The following ANO4 variants were observed in gnomAD, a reference collection of about 807,000 sequenced individuals.
The protein encoded by ANO4 is anoctamin-4.
A neutral mutation model predicts 141.9 loss-of-function variants in ANO4; 69 were observed. The ratio of observed to expected loss-of-function variants is 0.49; its 90% CI spans 0.40 to 0.59. ANO4 has a LOEUF of 0.59. Ranked by LOEUF, ANO4 falls within the 20% of genes least tolerant of loss-of-function variation. ANO4 has a pLI of 0.00. For missense variants in ANO4, 894 were observed against 1,162.2 expected, an observed-to-expected ratio of 0.77 and a Z score of 3.36; for synonymous variants, 350 against 394.3, an observed-to-expected ratio of 0.89 and a Z score of 1.33.
At chr12:100,993,732 T>A (rs977398473) in intron 8 of ANO4, among the ~76,000 whole-genome samples, 6 of 152,136 alleles carry the variant, frequency 3.9e-5, no homozygotes, top group African/African-American at 1.2e-4. Flanking sequence ...GGGCCAGGCC[T>A]AAGAGTGGTA....
At chr12:101,016,893 C>A (rs1464773554) in intron 8 of ANO4, among the ~76,000 whole-genome samples, 1 of 152,136 alleles carries the variant, frequency 6.6e-6, no homozygotes, top group Non-Finnish European at 1.5e-5. Flanking sequence ...AAACCAAGAC[C>A]CAGAAAAGTT....
rs921541160 is a variant in ANO4 at position 100,855,407 on chromosome 12, T to G, written c.-140-46239T>G. Among the ~76,000 whole-genome samples the G allele has an allele frequency of 5.9e-5, 9 of 152,316 alleles. 1 individual carries two copies. Among genetic ancestry groups the G allele is most frequent in the Admixed American group, 1.3e-4 (2 of 15,292 alleles). On this transcript the variant is annotated intron_variant, in intron 1 of 27. Transcript: ENST00000392977. ...ATGATCTATTTTTATTCTCTAGATA[T>G]CCTTCAAATCTTTATTCATAGGGTG...
At position 100,821,356 on chromosome 12, in the gene ANO4, G is replaced by A. The variant is rs898095771; in HGVS notation, c.-141+26329G>A. Among the ~76,000 whole-genome samples the A allele has an allele frequency of 8.5e-5, 13 of 152,102 alleles. No homozygotes were observed. The South Asian group carries it at 1.2e-3, about 15-fold the overall frequency. On this transcript the variant is annotated intron_variant, in intron 1 of 27. Coordinates refer to ENST00000392977, the MANE Select transcript of ANO4 (RefSeq NM_001286615.2). ...TCTTAGTGCTATTTGTTAGACAGAAGTTTTTAAACAGGTATGTCCAGAATA... is the reference window on the plus strand; with the variant it reads ...TCTTAGTGCTATTTGTTAGACAGAAATTTTTAAACAGGTATGTCCAGAATA...
At chr12:100,914,810 C>G (rs1370115852) in intron 2 of ANO4, among the ~76,000 whole-genome samples, 3 of 151,964 alleles carry the variant, frequency 2.0e-5, no homozygotes, top group Non-Finnish European at 4.4e-5. Flanking sequence ...GACCTCCCTC[C>G]CTTCTTTTTT....
intron 1 of ANO4, among the ~76,000 whole-genome samples, chr12:100,818,234 A>T (rs1650516448): frequency 6.6e-6 from 1 of 151,960 alleles, no homozygotes; most frequent in African/African-American, 2.4e-5. Context: ...GAGCACAAGT[A>T]ATTCTTGTTA....
At chr12:100,854,002 G>A (rs2038029501) in intron 1 of ANO4, among the ~76,000 whole-genome samples, 1 of 152,022 alleles carries the variant, frequency 6.6e-6, no homozygotes, top group Non-Finnish European at 1.5e-5. Context: ...TATTGTTTTT[G>A]CATTTTCCAT....
At chr12:100,864,420 GCAATTATTTCTGATTCCTATCCAGAATTC>G (rs1189618967) in intron 1 of ANO4, among the ~76,000 whole-genome samples, 1 of 152,150 alleles carries the variant, frequency 6.6e-6, no homozygotes, top group African/African-American at 2.4e-5. Context: ...TGTACTACAA[GCAATTATTTCTGATTCCTATCCAGAATTC>G]TGTCCTAAAA....
At chr12:101,063,310 G>C (rs934857068) in intron 14 of ANO4, among the ~76,000 whole-genome samples, 3 of 152,206 alleles carry the variant, frequency 2.0e-5, no homozygotes, top group African/African-American at 7.2e-5. Context: ...GACTGAAGCT[G>C]TTCCTATTCA....
chr12:100,752,117 C>T (rs552863656), intron 3 of ANO4, among the ~76,000 whole-genome samples: 4 of 152,268 alleles, frequency 2.6e-5, no homozygotes, highest in South Asian at 2.1e-4. Flanking sequence ...AAAATGTTAG[C>T]GAAAGCTACT....
At chr12:101,120,391 A>G (rs2051036640) in intron 25 of ANO4, 129 bp from the exon 26 acceptor site, 2 of 726,190 alleles carry the variant, frequency 2.8e-6, no homozygotes, top group Non-Finnish European at 4.5e-6. Context: ...AAGCAAAACA[A>G]CAGATATCTA....
chr12:100,802,237 C>G (rs1459475915), intron 1 of ANO4, among the ~76,000 whole-genome samples: 2 of 152,126 alleles, frequency 1.3e-5, no homozygotes, highest in African/African-American at 4.8e-5. Context: ...TAACTTTGTG[C>G]TATTTACAAG....
intron 1 of ANO4, among the ~76,000 whole-genome samples, chr12:100,726,058 G>A (rs1295789418): frequency 6.6e-6 from 1 of 152,162 alleles, no homozygotes; most frequent in Non-Finnish European, 1.5e-5. Flanking sequence ...AAGCCACTCA[G>A]CATTTCCTAT....
chr12:100,879,028 T>G (rs2039444104), intron 1 of ANO4, among the ~76,000 whole-genome samples: 1 of 152,148 alleles, frequency 6.6e-6, no homozygotes, highest in African/African-American at 2.4e-5. Context: ...GGGGAGATGT[T>G]TGTCTTTTAT....
intron 2 of ANO4, among the ~76,000 whole-genome samples, chr12:100,736,495 C>T (rs1268828038): frequency 6.6e-6 from 1 of 152,118 alleles, no homozygotes; most frequent in Non-Finnish European, 1.5e-5. Flanking sequence ...TATTGGATGA[C>T]ACTCTTGTTA....
At chr12:100,835,085 C>T (rs1442155260) in intron 1 of ANO4, among the ~76,000 whole-genome samples, 1 of 152,014 alleles carries the variant, frequency 6.6e-6, no homozygotes, top group Admixed American at 6.6e-5. Flanking sequence ...AGAGGAGGCA[C>T]AGATGTGAAA....
intron 15 of ANO4, among the ~76,000 whole-genome samples, chr12:101,080,435 A>G (rs956790382): frequency 6.6e-6 from 1 of 152,040 alleles, no homozygotes; most frequent in Non-Finnish European, 1.5e-5. Flanking sequence ...ATTTTCAGCA[A>G]TCCTTGTTCT....
chr12:100,988,872 G>GAAAAAAAAAAAAAA lies in ANO4; in HGVS notation c.734+1205_734+1218dup, dbSNP rs748666892. Among the ~76,000 whole-genome samples, 21 of 64,996 alleles carry GAAAAAAAAAAAAAA rather than the reference G, an allele frequency of 3.2e-4. 1 individual carries two copies. The highest frequency in any genetic ancestry group is 5.0e-4 in the Admixed American group (3 of 5,974). The allele number at this position is 64,996 out of a possible 152,430, so 42.6% of individuals were successfully genotyped here. ...GGTGACAGAGTGAGACTCTGTCTCA[G>GAAAAAAAAAAAAAA]AAAAAAAAAAAAAAAAGAAAGAAAA... On this transcript the variant is annotated intron_variant, in intron 8 of 27. Transcript: ENST00000392977.
chr12:100,839,468 C>A (rs1593479191), intron 1 of ANO4, among the ~76,000 whole-genome samples: 1 of 152,050 alleles, frequency 6.6e-6, no homozygotes, highest in South Asian at 2.1e-4. Flanking sequence ...TTACAAAAAA[C>A]AATCTGGGCA....
At chr12:100,783,944 G>A (rs989885072) in intron 3 of ANO4, among the ~76,000 whole-genome samples, 3 of 151,668 alleles carry the variant, frequency 2.0e-5, no homozygotes, top group Non-Finnish European at 4.4e-5. Flanking sequence ...TAATTAGTGG[G>A]ACCTAACCTA....
Sources: allele counts gnomAD v4.1 joint callset (sites outside exome capture counted in the v4.1 genomes callset), GRCh38; gene constraint gnomAD v4.1.1; transcripts MANE v1.5; gene names NCBI Gene and HGNC (gene_info 2026-07-23, HGNC 2026-07-21).